The following CNGB3 variants were observed in gnomAD, a reference collection of about 807,000 sequenced individuals.
CNGB3 encodes the protein cyclic nucleotide gated channel subunit beta 3.
In CNGB3, 86 loss-of-function variants were observed where a neutral mutation model predicts 92.8. The ratio of observed to expected loss-of-function variants is 0.93; its 90% confidence interval spans 0.78 to 1.11. The LOEUF is 1.11. Among genes scored for constraint, CNGB3 ranks in the 50% least tolerant of loss-of-function variants. The probability of loss-of-function intolerance (pLI) is 0.00; values close to 1 mark genes in which losing one functional copy is unlikely to be tolerated. For missense variants in CNGB3, 1,026 were observed against 956.8 expected (o/e 1.07, Z -0.95); for synonymous variants, 333 against 332.7 (o/e 1.00, Z -0.01).
At chr8:86,742,957 C>A (rs1825367788) in intron 1 of CNGB3, among the ~76,000 whole-genome samples, 4 of 152,082 alleles carry the variant, frequency 2.6e-5, no homozygotes, top group Admixed American at 2.6e-4. Context: ...GGAGGGCTGT[C>A]CTGTACATGA....
Position 86,666,932 on chromosome 8 carries a change from TCTC to T in CNGB3, c.842_844del (p.Gly281del). ...TTCCCGAACCCCACTTACTATTATGTCTCCTCCTCTTACAAACTGGAGTCTGGG... is the reference window on the plus strand; with the variant it reads ...TTCCCGAACCCCACTTACTATTATGTCTCCTCTTACAAACTGGAGTCTGGG... On this transcript the variant is annotated inframe_deletion, in exon 6 of 18. Transcript: ENST00000320005. 6.2e-7 allele frequency: 1 copy of T among 1,611,964 alleles called. No individual in the cohort carries two copies. Among genetic ancestry groups the T allele is most frequent in the Non-Finnish European group, 8.5e-7 (1 of 1,179,502 alleles).
intron 13 of CNGB3, among the ~76,000 whole-genome samples, chr8:86,620,077 TC>T (rs1425381615): frequency 6.6e-6 from 1 of 152,062 alleles, no homozygotes; most frequent in Non-Finnish European, 1.5e-5. Context: ...TTATCAGTGA[TC>T]CGGATAGGGT....
rs1272826828 is a variant in CNGB3 at position 86,684,941 on chromosome 8, A to G, written c.339-13843T>C. 2.6e-5 allele frequency among the ~76,000 whole-genome samples: 4 copies of G among 152,098 alleles called. No homozygotes were observed. The East Asian group carries it at 7.7e-4, about 29-fold the overall frequency. On this transcript the variant is annotated intron_variant, in intron 3 of 17. Coordinates refer to ENST00000320005, the MANE Select transcript of CNGB3 (RefSeq NM_019098.5). Reference sequence around the variant, plus strand: ...GAGCTTGCACATGTAATAAAATTGCACAAAACTAAATATGCCATACACAAA... The same window carrying G: ...GAGCTTGCACATGTAATAAAATTGCGCAAAACTAAATATGCCATACACAAA...
intron 3 of CNGB3, among the ~76,000 whole-genome samples, chr8:86,716,529 A>G (rs1469708205): frequency 6.6e-6 from 1 of 152,228 alleles, no homozygotes; most frequent in Non-Finnish European, 1.5e-5. Flanking sequence ...TTCTCAGCAG[A>G]AACACTTCAA....
rs1341997825 is a variant in CNGB3 at position 86,575,746 on chromosome 8, A to G, written c.*58T>C. ...TTTCCCCTCGTTAATTTAAGTTACA[A>G]TCCTAGGTACAATCACTTTGGGAAC... On this transcript the variant is annotated 3_prime_UTR_variant, in exon 18 of 18. Coordinates refer to ENST00000320005, the MANE Select transcript of CNGB3 (RefSeq NM_019098.5). The G allele has an allele frequency of 3.3e-6, 5 of 1,494,592 alleles. No homozygotes were observed. The South Asian group carries it at 4.6e-5, about 14-fold the overall frequency. The allele number at this position is 1,494,592 out of a possible 1,614,324, so 92.6% of individuals were successfully genotyped here. A position where few individuals can be genotyped will look rare whatever the true frequency, so the allele number is the denominator to read the frequency against.
intron 3 of CNGB3, among the ~76,000 whole-genome samples, chr8:86,718,329 A>G (rs1824903033): frequency 6.6e-6 from 1 of 152,196 alleles, no homozygotes; most frequent in Non-Finnish European, 1.5e-5. Context: ...GAAATAAAAC[A>G]GGAGATATTA....
At chr8:86,576,229 C>T in intron 17 of CNGB3, 99 bp from the exon 18 acceptor site, 1 of 1,240,348 alleles carries the variant, frequency 8.1e-7, no homozygotes. Flanking sequence ...ACCACCAAGA[C>T]AGACTGTCTG....
chr8:86,634,083 G>C (rs1823015997), intron 10 of CNGB3, among the ~76,000 whole-genome samples: 1 of 152,102 alleles, frequency 6.6e-6, no homozygotes, highest in African/African-American at 2.4e-5. Flanking sequence ...GATGAGAAAA[G>C]AATATGATAA....
chr8:86,687,997 T>C (rs921652870), intron 3 of CNGB3, among the ~76,000 whole-genome samples: 9 of 151,908 alleles, frequency 5.9e-5, no homozygotes, highest in Non-Finnish European at 1.5e-5. Context: ...CAGTGAGTAA[T>C]AAGAAAGGAA....
chr8:86,594,154 G>A (rs1822118330), intron 15 of CNGB3: 4 of 281,930 alleles, frequency 1.4e-5, no homozygotes, highest in South Asian at 3.6e-5. Context: ...AGCATCCAAC[G>A]GGGAATGTGT....
Position 86,726,601 on chromosome 8 carries a change from T to C in CNGB3, c.268A>G (p.Asn90Asp), listed in dbSNP as rs746736708. ...ACTGTTCCAGTTGGTTCTGCTGCAT[T>C]TTGAGGGTCAGGGTTTGTGGTCAGA... The part of the protein sequence containing the change: ...GDLTTNPDPQ[N>D]AAEPTGTVPE... The change falls in exon 3 of 18, where the codon AAT becomes GAT. Residue 90 changes from asparagine to aspartate, a missense_variant. Transcript: ENST00000320005. 20 of 1,613,898 alleles carry C rather than the reference T, an allele frequency of 1.2e-5. 1 individual carries two copies. The South Asian group carries it at 2.2e-4, about 18-fold the overall frequency.
At chr8:86,628,060 T>C (rs922495030) in intron 12 of CNGB3, among the ~76,000 whole-genome samples, 46 of 152,234 alleles carry the variant, frequency 3.0e-4, no homozygotes, top group African/African-American at 1.1e-3. Flanking sequence ...TTTAAGAATA[T>C]GGTATATAAT....
At chr8:86,685,783 T>C (rs1307569120) in intron 3 of CNGB3, among the ~76,000 whole-genome samples, 1 of 152,096 alleles carries the variant, frequency 6.6e-6, no homozygotes, top group Non-Finnish European at 1.5e-5. Context: ...AAATAGTCAG[T>C]ATTTTGATTT....
intron 15 of CNGB3, chr8:86,594,693 T>TG (rs1585956866): frequency 1.1e-5 from 2 of 178,356 alleles, no homozygotes; most frequent in East Asian, 1.8e-4. Context: ...TTTAGACAGC[T>TG]TTTTTGTTTG....
At chr8:86,582,051 G>GTCCGAAGAAAAAACAT (rs1821796995) in intron 15 of CNGB3, among the ~76,000 whole-genome samples, 1 of 145,448 alleles carries the variant, frequency 6.9e-6, no homozygotes, top group Non-Finnish European at 1.5e-5. Context: ...AGAAAAAACA[G>GTCCGAAGAAAAAACAT]TCCAAAGAAA....
chr8:86,592,721 A>G (rs1461004600), intron 15 of CNGB3, among the ~76,000 whole-genome samples: 1 of 152,234 alleles, frequency 6.6e-6, no homozygotes, highest in Non-Finnish European at 1.5e-5. Context: ...ATATAACTCT[A>G]CATGCTATCA....
rs1248680127 is a variant in CNGB3 at position 86,671,059 on chromosome 8, C to A, written c.378G>T (p.Glu126Asp). Residue 126 changes from glutamate to aspartate, a missense_variant, in exon 4 of 18, where the codon GAG becomes GAT. By Grantham distance (45) the Glu-to-Asp change is conservative (BLOSUM62 2). Coordinates refer to ENST00000320005, the MANE Select transcript of CNGB3 (RefSeq NM_019098.5). Reference sequence around the variant, plus strand: ...GGTTGTGTAGCTGGGCATCGGCATACTCATTTATAACAGGAGCTGCAGGCG... The same window carrying A: ...GGTTGTGTAGCTGGGCATCGGCATAATCATTTATAACAGGAGCTGCAGGCG... ...NKPPAAPVIN[E>D]YADAQLHNLV... The A allele has an allele frequency of 7.4e-6, 12 of 1,613,890 alleles. No individual in the cohort carries two copies. The highest frequency in any genetic ancestry group is 1.0e-5 in the Non-Finnish European group (12 of 1,180,010).
chr8:86,645,341 T>A (rs28576001), intron 8 of CNGB3, among the ~76,000 whole-genome samples: 47,661 of 150,876 alleles, frequency 0.32, 8,818 homozygotes, highest in Middle Eastern at 0.5. Context: ...TCCTACTTCC[T>A]CTTTTGTTTC....
intron 3 of CNGB3, among the ~76,000 whole-genome samples, chr8:86,720,839 TACACACACACACAC>T (rs4024071): frequency 0.26 from 33,676 of 129,868 alleles, 4,418 homozygotes; most frequent in Middle Eastern, 0.46. Context: ...TATATATGTA[TACACACACACACAC>T]ACACACACAC....
Sources: gnomAD v4.1 joint callset for allele counts (sites outside exome capture counted in the v4.1 genomes callset) on GRCh38, gnomAD v4.1.1 for gene constraint, MANE v1.5 for transcripts, NCBI Gene and HGNC (gene_info 2026-07-23, HGNC 2026-07-21) for gene names.